C5: variants seen among roughly 807,000 people sequenced by gnomAD.
C5 encodes C3 and PZP-like alpha-2-macroglobulin domain-containing protein 4.
C5 carries 140 observed loss-of-function variants against 218.8 expected under a neutral mutation model. That is an observed-to-expected ratio of 0.64 (90% confidence interval 0.56 to 0.74). The LOEUF (loss-of-function observed/expected upper bound fraction) is 0.74. Ranked by LOEUF, C5 falls within the 30% of genes least tolerant of loss-of-function variation. The pLI, the probability that C5 is intolerant of heterozygous loss-of-function variation, is 0.00. For missense variants in C5, 1,700 were observed against 1,969.6 expected (o/e 0.86, Z 2.59); for synonymous variants, 614 against 682.3 (o/e 0.90, Z 1.56).
chr9:121,028,452 C>T (rs2047444320), intron 7 of C5, among the ~76,000 whole-genome samples: 1 of 152,188 alleles, frequency 6.6e-6, no homozygotes, highest in Non-Finnish European at 1.5e-5. Context: ...CCTAAATGCC[C>T]ATCAATGATA....
intron 8 of C5, among the ~76,000 whole-genome samples, chr9:121,026,258 A>G (rs41308944): frequency 3.2e-3 from 491 of 152,344 alleles, no homozygotes; most frequent in African/African-American, 0.011. Flanking sequence ...ACATGAACTC[A>G]TATCATCTGT....
In C5 at chr9:120,969,064, G is replaced by A; in HGVS notation, c.4217C>T (p.Ala1406Val). The change falls in exon 33 of 41, where the codon GCC becomes GTC. Residue 1406 changes from alanine (A) to valine (V), a missense_variant. Ala to Val is a moderately conservative substitution (Grantham distance 64). Transcript: ENST00000223642. ...NSDYKRIVAC[A>V]SYKPSREESS... ...CCCTTTGTGGAAATAGGCTCACCTGGCACATGCTACTATGCGTTTGTAATC... is the reference window on the plus strand; with the variant it reads ...CCCTTTGTGGAAATAGGCTCACCTGACACATGCTACTATGCGTTTGTAATC... 13 of 1,613,116 alleles carry A rather than the reference G, an allele frequency of 8.1e-6. No individual in the cohort carries two copies. The highest frequency in any genetic ancestry group is 1.1e-5 in the Non-Finnish European group (13 of 1,179,124).
rs1469017623 is a variant in C5 at position 120,960,382 on chromosome 9, G to A, written c.4589-45C>T. Reference sequence around the variant, plus strand: ...GTAAAAATAAGGTTAATGGAAAGAAGTAGACACTCTTTCCAGGAGTAAACA... The same window carrying A: ...GTAAAAATAAGGTTAATGGAAAGAAATAGACACTCTTTCCAGGAGTAAACA... On this transcript the variant is annotated intron_variant, in intron 37 of 40. Coordinates refer to ENST00000223642, the MANE Select transcript of C5 (RefSeq NM_001735.3). 15 of 1,266,018 alleles carry A rather than the reference G, an allele frequency of 1.2e-5. No individual in the cohort carries two copies. The South Asian group carries it at 1.8e-4, about 15-fold the overall frequency. 78.4% of individuals were successfully genotyped at this position (1,266,018 alleles called of 1,614,324 possible).
At chr9:121,048,192 T>C (rs1051717390) in intron 1 of C5, among the ~76,000 whole-genome samples, 7 of 152,258 alleles carry the variant, frequency 4.6e-5, no homozygotes, top group Non-Finnish European at 8.8e-5. Flanking sequence ...TCAGTATTTA[T>C]AGAAGCTTTA....
intron 3 of C5, among the ~76,000 whole-genome samples, chr9:121,039,927 G>A (rs1051070675): frequency 4.6e-5 from 7 of 152,162 alleles, no homozygotes; most frequent in Non-Finnish European, 1.0e-4. Context: ...ATGAGCCACC[G>A]CGCCCGGCCT....
chr9:121,013,730 T>TA, intron 17 of C5, 143 bp downstream of exon 17: 4 of 752,044 alleles, frequency 5.3e-6, no homozygotes, highest in African/African-American at 2.2e-5. Context: ...AAATGAAGGA[T>TA]TTTTTTTTCT....
At chr9:121,043,264 T>C (rs2047596906) in intron 2 of C5, 98 bp from the exon 3 acceptor site, 1 of 1,001,094 alleles carries the variant, frequency 1.0e-6, no homozygotes, top group Non-Finnish European at 1.5e-6. Flanking sequence ...GAACAATCAG[T>C]ATGTATATGT....
At chr9:121,057,646 C>A in the C5 span, among the ~76,000 whole-genome samples, 4 of 151,730 alleles carry the variant, frequency 2.6e-5, no homozygotes, top group Admixed American at 2.6e-4. Context: ...AAATAAAAAG[C>A]AAGGAATTAA....
chr9:121,022,463 T>C (rs1004186928), intron 10 of C5, among the ~76,000 whole-genome samples: 1 of 148,624 alleles, frequency 6.7e-6, no homozygotes, highest in Non-Finnish European at 1.5e-5. Context: ...TACTTTGTTA[T>C]ATATTATTTT....
At chr9:121,070,410 T>TATAC in the C5 span, among the ~76,000 whole-genome samples, 1 of 138,320 alleles carries the variant, frequency 7.2e-6, no homozygotes, top group Admixed American at 7.1e-5. Context: ...TATATATATA[T>TATAC]ATATATATAT....
At chr9:121,065,074 A>AT in the C5 span, among the ~76,000 whole-genome samples, 79 of 150,340 alleles carry the variant, frequency 5.3e-4, no homozygotes, top group Non-Finnish European at 9.7e-4. Flanking sequence ...CATCTAAAAA[A>AT]ATATATATAT....
chr9:120,962,837 G>A, intron 35 of C5, 56 bp downstream of exon 35: 2 of 1,596,884 alleles, frequency 1.3e-6, no homozygotes, highest in Non-Finnish European at 1.7e-6. Flanking sequence ...TAATCTTTTA[G>A]CCTGTATATT....
In C5 at chr9:121,020,072, A is replaced by G; in HGVS notation, c.1410T>C (p.Thr470=). The G allele has an allele frequency of 6.2e-7, 1 of 1,613,260 alleles. No homozygotes were observed. Among genetic ancestry groups the G allele is most frequent in the Non-Finnish European group, 8.5e-7 (1 of 1,179,218 alleles). The change falls in exon 12 of 41, where the codon ACT becomes ACC. Residue 470 remains threonine, a synonymous_variant. Transcript: ENST00000223642. ...LSQSYLYIDW[T]DNHKALLVGE... ...CCACTAGCAAAGCCTTATGGTTATC[A>G]GTCCAATCAATATAAAGGTAACTTT...
At chr9:120,999,797 T>C in intron 20 of C5, 1 of 390,530 alleles carries the variant, frequency 2.6e-6, no homozygotes, top group Non-Finnish European at 5.1e-6. Context: ...GCCCAAAATA[T>C]CACAGATGTA....
At chr9:120,964,230 C>A (rs1277198309) in intron 33 of C5, among the ~76,000 whole-genome samples, 2 of 152,222 alleles carry the variant, frequency 1.3e-5, no homozygotes, top group Admixed American at 1.3e-4. Context: ...ATAATCCCAG[C>A]ACTTTGGGAG....
chr9:121,033,475 A>G (rs1277809520), intron 5 of C5, among the ~76,000 whole-genome samples: 1 of 152,260 alleles, frequency 6.6e-6, no homozygotes, highest in Admixed American at 6.5e-5. Flanking sequence ...AGCCAGGTGA[A>G]GCCCATTCCA....
intron 31 of C5, among the ~76,000 whole-genome samples, chr9:120,970,979 C>T (rs2046907933): frequency 6.6e-6 from 1 of 152,058 alleles, no homozygotes; most frequent in South Asian, 2.1e-4. Flanking sequence ...TGAGACCAGC[C>T]TGGTCAACAT....
chr9:121,019,995 A>ACC lies in C5; in HGVS notation c.1486_1487insGG (p.Ile496ArgfsTer2). 6.2e-7 allele frequency: 1 copy of ACC among 1,601,326 alleles called. No individual in the cohort carries two copies. On this transcript the variant is annotated frameshift_variant, in exon 12 of 41. Coordinates refer to ENST00000223642, the MANE Select transcript of C5 (RefSeq NM_001735.3). LOFTEE classifies it high-confidence loss of function. ...ACTTACCAAGTAATTATAGTGAGTT[A>ACC]TTTTGTCAATATATGGGCTTTTGGG...
At chr9:120,975,320 G>A (rs112933778) in intron 29 of C5, among the ~76,000 whole-genome samples, 1 of 152,156 alleles carries the variant, frequency 6.6e-6, no homozygotes, top group African/African-American at 2.4e-5. Flanking sequence ...CTGTTTTAAG[G>A]TTCCCTTTTT....
Sources: allele counts gnomAD v4.1 joint callset (sites outside exome capture counted in the v4.1 genomes callset), GRCh38; gene constraint gnomAD v4.1.1; transcripts MANE v1.5; gene names NCBI Gene and HGNC (gene_info 2026-07-23, HGNC 2026-07-21).